Variants in ARHGAP24 observed in about 807,000 individuals in gnomAD.
The protein encoded by ARHGAP24 is rho GTPase-activating protein 24.
A neutral mutation model predicts 76.4 loss-of-function variants in ARHGAP24; 50 were observed. The ratio of observed to expected loss-of-function variants is 0.65; its 90% CI spans 0.52 to 0.83. The LOEUF is 0.83. Ranked by LOEUF, ARHGAP24 falls within the 40% of genes least tolerant of loss-of-function variation. The probability of loss-of-function intolerance (pLI) is 0.00; values close to 1 mark genes in which losing one functional copy is unlikely to be tolerated. For synonymous variants in ARHGAP24, 345 were observed against 323.3 expected (o/e 1.07, Z -0.72); for missense variants, 930 against 914.2 (o/e 1.02, Z -0.22).
At chr4:85,832,560 C>T (rs546070270) in intron 3 of ARHGAP24, among the ~76,000 whole-genome samples, 10 of 152,288 alleles carry the variant, frequency 6.6e-5, no homozygotes, top group South Asian at 2.1e-4. Flanking sequence ...TTGCCATGTG[C>T]GGTGTTCAAT....
At chr4:85,961,929 T>G (rs975147141) in intron 5 of ARHGAP24, among the ~76,000 whole-genome samples, 1 of 152,148 alleles carries the variant, frequency 6.6e-6, no homozygotes, top group Non-Finnish European at 1.5e-5. Context: ...TTATGAAGAT[T>G]ACATTTCCTT....
At chr4:85,954,352 G>A (rs346487) in intron 5 of ARHGAP24, among the ~76,000 whole-genome samples, 99,815 of 151,938 alleles carry the variant, frequency 0.66, 34,100 homozygotes, top group African/African-American at 0.84. Context: ...TTCCCTTCAA[G>A]GCATTTGAGC....
Position 85,733,229 on chromosome 4 carries a change from A to G in ARHGAP24, c.268+11257A>G, listed in dbSNP as rs552485577. 6.0e-5 allele frequency among the ~76,000 whole-genome samples: 9 copies of G among 150,120 alleles called. No homozygotes were observed. The South Asian group carries it at 1.9e-3, about 32-fold the overall frequency. On this transcript the variant is annotated intron_variant, in intron 3 of 9. Transcript: ENST00000395184. Reference sequence around the variant, plus strand: ...CAGGCGCCCACCACCACACTTGGCTAATTTTTTGTATTTTTAGCAGAGACA... The same window carrying G: ...CAGGCGCCCACCACCACACTTGGCTGATTTTTTGTATTTTTAGCAGAGACA...
At chr4:85,688,591 A>G (rs72972858) in intron 2 of ARHGAP24, among the ~76,000 whole-genome samples, 1,635 of 152,158 alleles carry the variant, frequency 0.011, 34 homozygotes, top group African/African-American at 0.038. Context: ...CCTACTTGTC[A>G]ATTTTTGTTT....
At chr4:85,618,789 G>C (rs986277100) in intron 2 of ARHGAP24, among the ~76,000 whole-genome samples, 2 of 152,062 alleles carry the variant, frequency 1.3e-5, no homozygotes, top group Non-Finnish European at 2.9e-5. Flanking sequence ...TATGTGAAAT[G>C]TCTATTCAAG....
intron 3 of ARHGAP24, among the ~76,000 whole-genome samples, chr4:85,815,744 C>T (rs748914091): frequency 2.0e-5 from 3 of 152,204 alleles, no homozygotes; most frequent in Admixed American, 1.3e-4. Flanking sequence ...GTTCCAAAGT[C>T]GCTTCCACAT....
intron 5 of ARHGAP24, among the ~76,000 whole-genome samples, chr4:85,957,360 G>C (rs953224200): frequency 2.0e-5 from 3 of 152,122 alleles, no homozygotes; most frequent in Non-Finnish European, 4.4e-5. Flanking sequence ...TGTAACATAA[G>C]CACAATGACA....
At position 85,564,924 on chromosome 4, in the gene ARHGAP24, GTATATATATATA is replaced by G. The variant is rs3028011; in HGVS notation, c.-20-5563_-20-5552del. Among the ~76,000 whole-genome samples, 257 of 53,250 alleles carry G rather than the reference GTATATATATATA, an allele frequency of 4.8e-3. 3 individuals are homozygous for G. The highest frequency in any genetic ancestry group is 0.027 in the Middle Eastern group (2 of 74). The allele number at this position is 53,250 out of a possible 152,430, so 34.9% of individuals were successfully genotyped here. Reference sequence around the variant, plus strand: ...CCCTGCTCTAGGCAGAACACACACGGTATATATATATATATATATATATATATATATATATAT... The same window carrying G: ...CCCTGCTCTAGGCAGAACACACACGGTATATATATATATATATATATATAT... On this transcript the variant is annotated intron_variant, in intron 1 of 9. Coordinates refer to ENST00000395184, the MANE Select transcript of ARHGAP24 (RefSeq NM_001025616.3).
intron 1 of ARHGAP24, among the ~76,000 whole-genome samples, chr4:85,531,335 G>A (rs1725251601): frequency 6.6e-6 from 1 of 152,038 alleles, no homozygotes; most frequent in African/African-American, 2.4e-5. Context: ...AATCCTCCAT[G>A]AATAGTTATT....
chr4:85,544,502 C>T (rs189033694), intron 1 of ARHGAP24, among the ~76,000 whole-genome samples: 13 of 152,216 alleles, frequency 8.5e-5, no homozygotes, highest in Admixed American at 2.6e-4. Flanking sequence ...ACTTCAGCAT[C>T]TAGATCAAAA....
At chr4:85,673,744 T>C (rs1371812937) in intron 2 of ARHGAP24, among the ~76,000 whole-genome samples, 1 of 147,794 alleles carries the variant, frequency 6.8e-6, no homozygotes, top group Non-Finnish European at 1.5e-5. Context: ...CCTTGAGTTA[T>C]TCTGAAAGTT....
intron 3 of ARHGAP24, among the ~76,000 whole-genome samples, chr4:85,899,849 A>C (rs1734396489): frequency 1.3e-5 from 2 of 152,210 alleles, no homozygotes; most frequent in Admixed American, 1.3e-4. Context: ...AGAGTTTGAA[A>C]CCAGCCTGGG....
chr4:85,738,367 TTTA>T (rs58504018), intron 3 of ARHGAP24, among the ~76,000 whole-genome samples: 13,999 of 143,936 alleles, frequency 0.097, 716 homozygotes, highest in African/African-American at 0.11. Context: ...CATTTGGGCT[TTTA>T]TTATTATTAT....
chr4:85,702,084 T>A (rs981111090), intron 2 of ARHGAP24, among the ~76,000 whole-genome samples: 2 of 152,192 alleles, frequency 1.3e-5, no homozygotes, highest in Admixed American at 1.3e-4. Context: ...AGCCTATGAA[T>A]GTGTGTCTCT....
At chr4:85,543,058 A>T (rs1178882784) in intron 1 of ARHGAP24, among the ~76,000 whole-genome samples, 1 of 152,168 alleles carries the variant, frequency 6.6e-6, no homozygotes, top group Non-Finnish European at 1.5e-5. Context: ...AAGTTCCAAT[A>T]AGAAAGAGGC....
intron 1 of ARHGAP24, among the ~76,000 whole-genome samples, chr4:85,550,546 T>C (rs1726090955): frequency 1.3e-5 from 2 of 152,166 alleles, no homozygotes; most frequent in Admixed American, 6.5e-5. Context: ...TTGGTTCAAC[T>C]TGAATTTTAA....
intron 2 of ARHGAP24, among the ~76,000 whole-genome samples, chr4:85,650,164 T>A (rs1413787095): frequency 7.3e-6 from 1 of 137,590 alleles, no homozygotes; most frequent in Admixed American, 6.8e-5. Context: ...TTATCTAGCA[T>A]GTGTTCCTTT....
At chr4:85,883,767 G>C (rs554933046) in intron 3 of ARHGAP24, among the ~76,000 whole-genome samples, 1 of 151,350 alleles carries the variant, frequency 6.6e-6, no homozygotes, top group African/African-American at 2.4e-5. Flanking sequence ...TTAGCAGAAC[G>C]TAACACAAAT....
At chr4:85,861,525 A>G (rs1326161918) in intron 3 of ARHGAP24, among the ~76,000 whole-genome samples, 2 of 152,118 alleles carry the variant, frequency 1.3e-5, no homozygotes, top group Non-Finnish European at 2.9e-5. Context: ...TCCAGAGGAA[A>G]CAAAGCATGA....
Sources: allele counts gnomAD v4.1 joint callset (sites outside exome capture counted in the v4.1 genomes callset), GRCh38; gene constraint gnomAD v4.1.1; transcripts MANE v1.5; gene names NCBI Gene and HGNC (gene_info 2026-07-23, HGNC 2026-07-21).